COL13A1: variants seen among roughly 807,000 people sequenced by gnomAD.
COL13A1 encodes collagen type XIII alpha 1 chain.
In COL13A1, 89 loss-of-function variants were observed where a neutral mutation model predicts 130.9. The observed-to-expected ratio is 0.68, with a 90% CI of 0.57 to 0.81. COL13A1 has a LOEUF of 0.81. COL13A1 is among the 30% of genes least tolerant of loss of function. COL13A1 has a pLI of 0.00. For synonymous variants in COL13A1, 402 were observed against 341.6 expected, an observed-to-expected ratio of 1.18 and a Z score of -1.95; for missense variants, 879 against 934.6, an observed-to-expected ratio of 0.94 and a Z score of 0.78.
chr10:69,930,533 C>T lies in COL13A1; in HGVS notation c.1664C>T (p.Thr555Ile), dbSNP rs747554923. ...GGAGAGAAGGGGGAAAAAGGGGAGA[C>T]AGGACAAGCAGGCTCACCGGTGAGT... ...SPGEKGEKGE[T>I]GQAGSPGEKG... Residue 555 changes from threonine to isoleucine, a missense_variant, in exon 30 of 41, where the codon ACA becomes ATA. Thr to Ile is a moderately conservative substitution (Grantham distance 89). Coordinates refer to ENST00000645393, the MANE Select transcript of COL13A1 (RefSeq NM_001368882.1). The T allele has an allele frequency of 1.2e-6, 2 of 1,613,488 alleles. No homozygotes were observed. Among genetic ancestry groups the T allele is most frequent in the East Asian group, 2.2e-5 (1 of 44,852 alleles).
intron 10 of COL13A1, among the ~76,000 whole-genome samples, chr10:69,892,115 C>T (rs2061239459): frequency 6.6e-6 from 1 of 152,238 alleles, no homozygotes; most frequent in Admixed American, 6.5e-5. Context: ...CGTGAGCCCA[C>T]ATCAGTGGGA....
intron 2 of COL13A1, among the ~76,000 whole-genome samples, chr10:69,838,572 ACT>A (rs1252631450): frequency 6.6e-6 from 1 of 151,918 alleles, no homozygotes; most frequent in African/African-American, 2.4e-5. Flanking sequence ...GCAGGCCAGG[ACT>A]CTCTTGACCA....
At chr10:69,926,087 C>G (rs1023889706) in intron 26 of COL13A1, 2 of 547,212 alleles carry the variant, frequency 3.7e-6, no homozygotes, top group South Asian at 2.6e-5. Flanking sequence ...TCCAGGTGGC[C>G]GGGGCTCTCT....
At chr10:69,802,807 C>A in intron 1 of COL13A1, 90 bp downstream of exon 1, 2 of 1,522,796 alleles carry the variant, frequency 1.3e-6, no homozygotes, top group Middle Eastern at 2.4e-4. Flanking sequence ...CGCGGGCGCT[C>A]GCTCTCTGCG....
At chr10:69,954,263 T>C (rs954864838) in intron 39 of COL13A1, among the ~76,000 whole-genome samples, 2 of 152,234 alleles carry the variant, frequency 1.3e-5, no homozygotes, top group African/African-American at 4.8e-5. Context: ...CCTGGCTTCC[T>C]GCTGCAGCTA....
intron 18 of COL13A1, 50 bp from the exon 19 acceptor site, chr10:69,918,235 C>T: frequency 6.3e-7 from 1 of 1,581,348 alleles, no homozygotes. Context: ...CCCCCTGCTG[C>T]CCCCTCGCTG....
At chr10:69,830,954 T>C (rs1848681744) in intron 2 of COL13A1, among the ~76,000 whole-genome samples, 1 of 152,206 alleles carries the variant, frequency 6.6e-6, no homozygotes, top group Admixed American at 6.5e-5. Context: ...TCCATCTTTA[T>C]GGATTTAGCA....
intron 21 of COL13A1, among the ~76,000 whole-genome samples, chr10:69,920,655 C>A (rs754225771): frequency 6.6e-6 from 1 of 152,226 alleles, no homozygotes; most frequent in African/African-American, 2.4e-5. Flanking sequence ...ATATTCAAGG[C>A]AGGAAGAGGG....
At chr10:69,935,498 A>T in intron 32 of COL13A1, 107 bp downstream of exon 32, 2 of 856,118 alleles carry the variant, frequency 2.3e-6, no homozygotes, top group Non-Finnish European at 3.5e-6. Flanking sequence ...CCTCCCAGGG[A>T]GGGATTTTCT....
chr10:69,913,591 C>T (rs957958891), intron 17 of COL13A1, among the ~76,000 whole-genome samples: 1 of 152,204 alleles, frequency 6.6e-6, no homozygotes, highest in Non-Finnish European at 1.5e-5. Flanking sequence ...GCAATAACCA[C>T]GCCCTCCCCC....
Position 69,819,316 on chromosome 10 carries a change from G to A in COL13A1, c.295-3053G>A, listed in dbSNP as rs1027031165. Among the ~76,000 whole-genome samples the A allele has an allele frequency of 2.6e-5, 4 of 152,218 alleles. No individual in the cohort carries two copies. The East Asian group carries it at 7.7e-4, about 29-fold the overall frequency. On this transcript the variant is annotated intron_variant, in intron 1 of 40. Transcript: ENST00000645393. The stretch of plus-strand genomic sequence containing the variant: ...CAGGAAATGTGAAAGTCACATGGAG[G>A]TCTACCTTAGGTTGGGTTCCCAAGG...
intron 32 of COL13A1, among the ~76,000 whole-genome samples, chr10:69,936,485 C>T (rs1447030574): frequency 2.0e-5 from 3 of 152,306 alleles, no homozygotes; most frequent in African/African-American, 2.4e-5. Flanking sequence ...GTGTTACCTC[C>T]GTGTCTTTCT....
In COL13A1 at chr10:69,802,051, C is replaced by T. The variant is rs1479009690; in HGVS notation, c.-373C>T. 5.2e-6 allele frequency: 1 copy of T among 193,136 alleles called. No homozygotes were observed. The highest frequency in any genetic ancestry group is 1.0e-5 in the Non-Finnish European group (1 of 96,086). 12.0% of individuals were successfully genotyped at this position (193,136 alleles called of 1,614,324 possible). On this transcript the variant is annotated 5_prime_UTR_variant, in exon 1 of 41. Transcript: ENST00000645393. ...TCGCCCGGGGACTGAAACTGACTGG[C>T]CCGGGAGACACGAGGCGCCCAGAAG...
intron 17 of COL13A1, among the ~76,000 whole-genome samples, chr10:69,916,811 A>G (rs1237466146): frequency 1.3e-5 from 2 of 152,094 alleles, no homozygotes; most frequent in African/African-American, 4.8e-5. Flanking sequence ...ATGAAAAGAG[A>G]AGAGAGCTCC....
At chr10:69,936,178 AAAGGAAAGG>A (rs1396147289) in intron 32 of COL13A1, among the ~76,000 whole-genome samples, 22 of 7,320 alleles carry the variant, frequency 3.0e-3, no homozygotes, top group South Asian at 0.014. Context: ...GGAAGGAAGG[AAAGGAAAGG>A]AAGGAAGGAA....
intron 24 of COL13A1, 59 bp downstream of exon 24, chr10:69,923,914 A>G: frequency 6.3e-7 from 1 of 1,577,430 alleles, no homozygotes; most frequent in Non-Finnish European, 8.6e-7. Flanking sequence ...GAGGTCAAGA[A>G]TCATCCCGGC....
In COL13A1 at chr10:69,802,315, G is replaced by C. The variant is rs1840213057; in HGVS notation, c.-109G>C. 11 of 1,227,150 alleles carry C rather than the reference G, an allele frequency of 9.0e-6. No homozygotes were observed. The highest frequency in any genetic ancestry group is 1.1e-5 in the Non-Finnish European group (10 of 951,854). 76.0% of individuals were successfully genotyped at this position (1,227,150 alleles called of 1,614,324 possible). On this transcript the variant is annotated 5_prime_UTR_variant, in exon 1 of 41. Coordinates refer to ENST00000645393, the MANE Select transcript of COL13A1 (RefSeq NM_001368882.1). Reference sequence around the variant, plus strand: ...GCAGCGGAAAGGGACGTTTTCCAGCGATACAAGCCCTTTCCCCCTGCCCCG... The same window carrying C: ...GCAGCGGAAAGGGACGTTTTCCAGCCATACAAGCCCTTTCCCCCTGCCCCG...
chr10:69,802,311 CA>C lies in COL13A1; in HGVS notation c.-112del. 1 of 1,212,684 alleles carries C rather than the reference CA, an allele frequency of 8.2e-7. No individual in the cohort carries two copies. The highest frequency in any genetic ancestry group is 1.1e-6 in the Non-Finnish European group (1 of 938,616). The allele number at this position is 1,212,684 out of a possible 1,614,324, so 75.1% of individuals were successfully genotyped here. On this transcript the variant is annotated 5_prime_UTR_variant, in exon 1 of 41. Coordinates refer to ENST00000645393, the MANE Select transcript of COL13A1 (RefSeq NM_001368882.1). ...GGGAGCAGCGGAAAGGGACGTTTTC[CA>C]GCGATACAAGCCCTTTCCCCCTGCC...
rs573836015 is a variant in COL13A1 at position 69,901,880 on chromosome 10, C to T, written c.751-868C>T. ...GGGAAGGCGGGCTCAGAGCAGCTGG[C>T]TGAGGAGACAAGGGAATAATAACAG... On this transcript the variant is annotated intron_variant, in intron 14 of 40. Transcript: ENST00000645393. Among the ~76,000 whole-genome samples, 214 of 152,280 alleles carry T rather than the reference C, an allele frequency of 1.4e-3. 2 individuals are homozygous for T. Among genetic ancestry groups the T allele is most frequent in the African/African-American group, 5.0e-3 (207 of 41,562 alleles).
Sources: allele counts gnomAD v4.1 joint callset (sites outside exome capture counted in the v4.1 genomes callset), GRCh38; gene constraint gnomAD v4.1.1; transcripts MANE v1.5; gene names NCBI Gene and HGNC (gene_info 2026-07-23, HGNC 2026-07-21).